The following CTNNAL1 variants were observed in gnomAD, a reference collection of about 807,000 sequenced individuals.
CTNNAL1 encodes alpha-catulin.
Under a neutral mutation model 93.6 loss-of-function variants are expected in CTNNAL1, and 69 were observed. That is an observed-to-expected ratio of 0.74 (90% CI 0.61 to 0.90). The LOEUF (loss-of-function observed/expected upper bound fraction) is 0.90. Ranked by LOEUF, CTNNAL1 falls within the 40% of genes least tolerant of loss-of-function variation. CTNNAL1 has a pLI of 0.00. For synonymous variants in CTNNAL1, 286 were observed against 305.4 expected (o/e 0.94, Z 0.66); for missense variants, 836 against 862.0 (o/e 0.97, Z 0.38).
At chr9:108,950,653 C>G in intron 14 of CTNNAL1, 1 of 1,530,208 alleles carries the variant, frequency 6.5e-7, no homozygotes, top group South Asian at 1.2e-5. Context: ...TGTCTGCTGC[C>G]TCACCTATCC....
chr9:108,994,557 C>T (rs1340852494), intron 2 of CTNNAL1, among the ~76,000 whole-genome samples: 3 of 152,288 alleles, frequency 2.0e-5, no homozygotes, highest in East Asian at 1.9e-4. Context: ...CACAGGAATA[C>T]ACCAAAGATA....
intron 6 of CTNNAL1, among the ~76,000 whole-genome samples, chr9:108,980,890 G>C (rs1217616704): frequency 1.3e-5 from 2 of 152,072 alleles, no homozygotes; most frequent in Non-Finnish European, 2.9e-5. Context: ...TTTTTTTAAA[G>C]AGGCTATTTA....
At chr9:108,951,479 G>C (rs1564122134) in intron 14 of CTNNAL1, among the ~76,000 whole-genome samples, 3 of 152,142 alleles carry the variant, frequency 2.0e-5, no homozygotes, top group Non-Finnish European at 2.9e-5. Context: ...GAAAACTGGA[G>C]ATATCAAGTA....
intron 2 of CTNNAL1, among the ~76,000 whole-genome samples, chr9:108,994,680 C>T (rs1275413991): frequency 1.3e-5 from 2 of 152,170 alleles, no homozygotes; most frequent in African/African-American, 4.8e-5. Context: ...AGATCGCTCC[C>T]CATGATCCCC....
chr9:108,950,287 G>A (rs1334821438), intron 14 of CTNNAL1, among the ~76,000 whole-genome samples: 1 of 152,094 alleles, frequency 6.6e-6, no homozygotes, highest in East Asian at 1.9e-4. Context: ...TTAGAGGCCT[G>A]GGCCATCAGA....
At chr9:108,944,885 G>A (rs1233164027) in intron 15 of CTNNAL1, among the ~76,000 whole-genome samples, 2 of 152,216 alleles carry the variant, frequency 1.3e-5, no homozygotes, top group Non-Finnish European at 2.9e-5. Flanking sequence ...TGGATAAAAT[G>A]ATCTCAAGGT....
At chr9:108,998,620 A>C (rs887130409) in intron 2 of CTNNAL1, among the ~76,000 whole-genome samples, 2 of 152,186 alleles carry the variant, frequency 1.3e-5, no homozygotes, top group Admixed American at 6.5e-5. Context: ...GCAGTCCTCA[A>C]AACACTCTAG....
intron 12 of CTNNAL1, 116 bp downstream of exon 12, chr9:108,955,674 A>T (rs1830670600): frequency 1.1e-6 from 1 of 904,206 alleles, no homozygotes; most frequent in Non-Finnish European, 1.8e-6. Flanking sequence ...TTAATATCCT[A>T]ACTTTTTTCT....
chr9:109,004,370 T>C (rs988644592), intron 1 of CTNNAL1, among the ~76,000 whole-genome samples: 2 of 152,224 alleles, frequency 1.3e-5, no homozygotes, highest in Non-Finnish European at 2.9e-5. Flanking sequence ...ATCCCTATTT[T>C]ACAAATGAGG....
chr9:108,972,650 T>G, intron 9 of CTNNAL1, 25 bp downstream of exon 9: 1 of 1,585,246 alleles, frequency 6.3e-7, no homozygotes, highest in Non-Finnish European at 8.6e-7. Flanking sequence ...TAAACTACAA[T>G]TTCTTTAGCA....
chr9:108,965,519 C>A lies in CTNNAL1; in HGVS notation c.1450G>T (p.Ala484Ser). 1 of 1,555,694 alleles carries A rather than the reference C, an allele frequency of 6.4e-7. No individual in the cohort carries two copies. Among genetic ancestry groups the A allele is most frequent in the Admixed American group, 2.0e-5 (1 of 51,136 alleles). ...FQVTGQQIIS[A>S]AETLTLHPSS... The stretch of plus-strand genomic sequence containing the variant: ...GGATGCAATGTCAATGTTTCAGCAG[C>A]AGAAATTATCTAAAGAAACACAATA... The change falls in exon 11 of 19, where the codon GCT (alanine) becomes TCT (serine). Residue 484 changes from alanine to serine, a missense_variant. Physicochemically the swap from Ala to Ser is moderately conservative, Grantham distance 99 (BLOSUM62 1). Transcript: ENST00000325551.
intron 6 of CTNNAL1, among the ~76,000 whole-genome samples, chr9:108,979,703 T>C (rs942795660): frequency 1.3e-5 from 2 of 152,166 alleles, no homozygotes; most frequent in African/African-American, 4.8e-5. Flanking sequence ...CCTAGAGTAA[T>C]TAATACAATG....
chr9:108,943,255 C>T (rs781329095), intron 17 of CTNNAL1, among the ~76,000 whole-genome samples: 1 of 152,114 alleles, frequency 6.6e-6, no homozygotes, highest in Non-Finnish European at 1.5e-5. Flanking sequence ...TCATGGAACC[C>T]CAGCAGAAAG....
intron 4 of CTNNAL1, among the ~76,000 whole-genome samples, chr9:108,986,008 C>A (rs980340416): frequency 2.0e-5 from 3 of 151,918 alleles, no homozygotes; most frequent in African/African-American, 7.3e-5. Context: ...AAGGCTGTCA[C>A]TACTGCCACT....
At chr9:108,988,964 AC>A (rs1377631890) in intron 4 of CTNNAL1, among the ~76,000 whole-genome samples, 1 of 152,192 alleles carries the variant, frequency 6.6e-6, no homozygotes, top group Non-Finnish European at 1.5e-5. Context: ...CAAAAAAGTG[AC>A]CCAGGAGTAG....
At position 108,977,043 on chromosome 9, in the gene CTNNAL1, G is replaced by C. The variant is rs569874853; in HGVS notation, c.1107C>G (p.Ser369Arg). ...QLISVWIQAQ[S>R]KKTKSIAEEL... ...CTTCAGCGATGCTTTTTGTTTTCTT[G>C]CTTTGCTAAAAATTTTAAAAAGTAT... The change falls in exon 8 of 19, where the codon AGC becomes AGG. Residue 369 changes from serine (S) to arginine (R), a missense_variant. By Grantham distance (110) the Ser-to-Arg change is moderately radical. Coordinates refer to ENST00000325551, the MANE Select transcript of CTNNAL1 (RefSeq NM_003798.4). The C allele has an allele frequency of 2.7e-6, 4 of 1,507,400 alleles. No individual in the cohort carries two copies. Among genetic ancestry groups the C allele is most frequent in the South Asian group, 1.3e-5 (1 of 77,138 alleles). 93.4% of individuals were successfully genotyped at this position (1,507,400 alleles called of 1,614,324 possible).
chr9:108,984,286 T>C, intron 5 of CTNNAL1, 61 bp downstream of exon 5: 2 of 818,306 alleles, frequency 2.4e-6, no homozygotes, highest in Admixed American at 2.0e-5. Context: ...GTAAGTTAAA[T>C]GCATTTAGTC....
At chr9:108,974,980 T>A (rs1008180736) in intron 8 of CTNNAL1, among the ~76,000 whole-genome samples, 1 of 151,938 alleles carries the variant, frequency 6.6e-6, no homozygotes, top group African/African-American at 2.4e-5. Flanking sequence ...CTGGCCAACA[T>A]GGTGAAACCC....
intron 7 of CTNNAL1, among the ~76,000 whole-genome samples, chr9:108,977,579 C>A (rs1831300797): frequency 6.6e-6 from 1 of 152,150 alleles, no homozygotes; most frequent in Non-Finnish European, 1.5e-5. Flanking sequence ...TCAGTCCAAA[C>A]CATCTGGAAT....
Sources: allele counts gnomAD v4.1 joint callset (sites outside exome capture counted in the v4.1 genomes callset), GRCh38; gene constraint gnomAD v4.1.1; transcripts MANE v1.5; gene names NCBI Gene and HGNC (gene_info 2026-07-23, HGNC 2026-07-21).